The following PHF12 variants were observed in gnomAD, a reference collection of about 807,000 sequenced individuals.
The protein encoded by PHF12 is PHD factor 1.
Under a neutral mutation model 99.8 loss-of-function variants are expected in PHF12, and 6 were observed. The observed-to-expected ratio is 0.06, with a 90% CI of 0.03 to 0.12. PHF12 has a LOEUF of 0.12. Among genes scored for constraint, PHF12 ranks in the 10% least tolerant of loss-of-function variants. The pLI, the probability that PHF12 is intolerant of heterozygous loss-of-function variation, is 1.00. For synonymous variants in PHF12, 480 were observed against 514.9 expected (o/e 0.93, Z 0.92); for missense variants, 954 against 1,300.1 (o/e 0.73, Z 4.09).
Position 28,927,020 on chromosome 17 carries a change from T to G in PHF12, c.292A>C (p.Met98Leu), listed in dbSNP as rs769697257. Residue 98 changes from methionine to leucine, a missense_variant, in exon 3 of 15, where the codon ATG (methionine) becomes CTG (leucine). Transcript: ENST00000332830. Reference protein sequence around the residue: ...SEEMLPPGEWMCHRCTVRRKK... With the variant: ...SEEMLPPGEWLCHRCTVRRKK... ...CGGCGAACAGTGCACCGGTGACACA[T>G]CCACTCTCCAGGAGGCAACATTTCT... 1 of 1,614,062 alleles carries G rather than the reference T, an allele frequency of 6.2e-7. No individual in the cohort carries two copies. Among genetic ancestry groups the G allele is most frequent in the Admixed American group, 1.7e-5 (1 of 60,002 alleles).
intron 2 of PHF12, among the ~76,000 whole-genome samples, chr17:28,942,589 G>A (rs1407174580): frequency 2.0e-5 from 3 of 151,948 alleles, no homozygotes; most frequent in South Asian, 2.1e-4. Context: ...AGGCCGAGGC[G>A]GGCAGATCAC....
intron 2 of PHF12, among the ~76,000 whole-genome samples, chr17:28,933,209 G>A (rs949286745): frequency 2.6e-5 from 4 of 152,328 alleles, no homozygotes; most frequent in Admixed American, 2.0e-4. Context: ...CTGCTTAGCA[G>A]TGAAAACACT....
Position 28,910,304 on chromosome 17 carries a change from G to C in PHF12, c.2281C>G (p.Leu761Val). The change falls in exon 11 of 15, where the codon CTT becomes GTT. Residue 761 changes from leucine (L) to valine (V), a missense_variant. Leu to Val is a conservative substitution (Grantham distance 32, BLOSUM62 1). This residue lies in a region of PHF12 where 143 missense variants were observed against 191.8 expected (regional missense o/e 0.75). Transcript: ENST00000332830. ...GAAGGTTGGACCCGGGAGGGGAAAA[G>C]CTGATGTATTCTCTGCAAGGCCAGA... is the stretch of plus-strand genomic sequence containing the variant. Reference protein sequence around the residue: ...KFLALQRIHQLFPSRVQPSPG... With the variant: ...KFLALQRIHQVFPSRVQPSPG... 1 of 1,614,212 alleles carries C rather than the reference G, an allele frequency of 6.2e-7. No individual in the cohort carries two copies. The highest frequency in any genetic ancestry group is 1.1e-5 in the South Asian group (1 of 91,086).
Position 28,912,694 on chromosome 17 carries a change from G to A in PHF12, c.1877C>T (p.Pro626Leu). Residue 626 changes from proline (P) to leucine (L), a missense_variant, in exon 9 of 15, where the codon CCT (proline) becomes CTT (leucine). By Grantham distance (98) the Pro-to-Leu change is moderately conservative. This residue lies in a region of PHF12 where 392 missense variants were observed against 423.1 expected (regional missense o/e 0.93). Transcript: ENST00000332830. ...RSLVPVPSLP[P>L]SIPSSCASIE... ...GCTGGCACAAGAGCTGGGAATGGAA[G>A]GGGGCAGGCTTGGGACAGGAACCAA... is the stretch of plus-strand genomic sequence containing the variant. The A allele has an allele frequency of 6.2e-7, 1 of 1,614,264 alleles. No homozygotes were observed. Among genetic ancestry groups the A allele is most frequent in the Non-Finnish European group, 8.5e-7 (1 of 1,180,052 alleles).
rs2039868420 is a variant in PHF12, at chr17:28,906,197, T to C, written c.3001A>G (p.Asn1001Asp). 1 of 1,594,604 alleles carries C rather than the reference T, an allele frequency of 6.3e-7. No individual in the cohort carries two copies. Among genetic ancestry groups the C allele is most frequent in the Non-Finnish European group, 8.6e-7 (1 of 1,166,536 alleles). The stretch of plus-strand genomic sequence containing the variant: ...AGCCGCCAGTCCTAAGGAACAGAGT[T>C]GGAGCGCAGCACAGGGCCCTGGTGG... ...KPHQGPVLRS[N>D]SVP Residue 1001 changes from asparagine (N) to aspartate (D), a missense_variant, in exon 15 of 15, where the codon AAC (asparagine) becomes GAC (aspartate). Around this residue, in one of 8 missense-constraint regions of PHF12, gnomAD observed 136 missense variants for 172.3 expected, o/e 0.79. Coordinates refer to ENST00000332830, the MANE Select transcript of PHF12 (RefSeq NM_001033561.2). This position sits in a 1 kb window ranked among gnomAD's most constrained non-coding sequence, Gnocchi z 4.2.
At chr17:28,939,784 CAG>C (rs762935948) in intron 2 of PHF12, among the ~76,000 whole-genome samples, 4 of 152,344 alleles carry the variant, frequency 2.6e-5, no homozygotes, top group Non-Finnish European at 4.4e-5. Context: ...CTGCCACAAA[CAG>C]GGGTCCACCT....
chr17:28,920,145 A>G (rs1302930637), intron 5 of PHF12, among the ~76,000 whole-genome samples: 2 of 152,218 alleles, frequency 1.3e-5, no homozygotes, highest in African/African-American at 4.8e-5. Flanking sequence ...GCAAATGACA[A>G]CTACGATTTG....
chr17:28,914,544 C>T (rs1045592274), intron 7 of PHF12, among the ~76,000 whole-genome samples: 52 of 151,722 alleles, frequency 3.4e-4, no homozygotes, highest in African/African-American at 1.2e-3. Flanking sequence ...TGGTGGTGGG[C>T]GCCTATAGTC....
Position 28,911,141 on chromosome 17 carries a change from G to A in PHF12, c.2186C>T (p.Ser729Leu). The A allele has an allele frequency of 1.4e-5, 22 of 1,614,208 alleles. No individual in the cohort carries two copies. The highest frequency in any genetic ancestry group is 1.9e-5 in the Non-Finnish European group (22 of 1,180,028). The change falls in exon 10 of 15, where the codon TCA (serine) becomes TTA (leucine). Residue 729 changes from serine (S) to leucine (L), a missense_variant. Ser to Leu is a moderately radical substitution (Grantham distance 145). Around this residue, in one of 8 missense-constraint regions of PHF12, gnomAD observed 143 missense variants for 191.8 expected, o/e 0.75. Coordinates refer to ENST00000332830, the MANE Select transcript of PHF12 (RefSeq NM_001033561.2). Reference protein sequence around the residue: ...NSTAMVDLTNSLRAFMDVNGE... With the variant: ...NSTAMVDLTNLLRAFMDVNGE... ...ATTGACATCCATAAATGCTCGAAGT[G>A]AGTTGGTGAGGTCCACCATGGCAGT...
At chr17:28,910,939 C>CTTT in intron 10 of PHF12, 173 bp downstream of exon 10, 2 of 858,592 alleles carry the variant, frequency 2.3e-6, no homozygotes, top group Non-Finnish European at 3.5e-6. Flanking sequence ...ACAGAAGGAG[C>CTTT]TTTCTTTTTC....
chr17:28,913,950 C>T lies in PHF12; in HGVS notation c.1222G>A (p.Gly408Arg). 1 of 1,613,882 alleles carries T rather than the reference C, an allele frequency of 6.2e-7. No homozygotes were observed. Residue 408 changes from glycine (G) to arginine (R), a missense_variant, in exon 8 of 15, where the codon GGG (glycine) becomes AGG (arginine). Gly to Arg is a moderately radical substitution (Grantham distance 125, BLOSUM62 -2). Transcript: ENST00000332830. Reference protein sequence around the residue: ...AIRDGELICNGIPEESQMHLL... With the variant: ...AIRDGELICNRIPEESQMHLL... The stretch of plus-strand genomic sequence containing the variant: ...TGCATCTGTGATTCCTCAGGGATCC[C>T]ATTGCAGATCAGCTCCCCGTCCCGA...
intron 2 of PHF12, among the ~76,000 whole-genome samples, chr17:28,947,773 G>A (rs1025985320): frequency 6.6e-6 from 1 of 151,968 alleles, no homozygotes; most frequent in Non-Finnish European, 1.5e-5. Context: ...ACTCAGATAA[G>A]TCAATGGTAC....
At position 28,951,108 on chromosome 17, in the gene PHF12, C is replaced by A; in HGVS notation, c.-148G>T. 2 of 1,455,376 alleles carry A rather than the reference C, an allele frequency of 1.4e-6. No individual in the cohort carries two copies. The highest frequency in any genetic ancestry group is 2.5e-5 in the East Asian group (1 of 39,670). The allele number at this position is 1,455,376 out of a possible 1,614,324, so 90.2% of individuals were successfully genotyped here. ...CTTCCTCGCCCTGGCTCCCCCCCAC[C>A]CCCCGGCCCCCAGTCCCCGGGACGA... On this transcript the variant is annotated 5_prime_UTR_variant, in exon 1 of 15. Coordinates refer to ENST00000332830, the MANE Select transcript of PHF12 (RefSeq NM_001033561.2).
At chr17:28,922,906 C>T (rs1452624734) in intron 4 of PHF12, among the ~76,000 whole-genome samples, 1 of 151,940 alleles carries the variant, frequency 6.6e-6, no homozygotes, top group East Asian at 1.9e-4. Context: ...ATAGTGAGAC[C>T]CTGTCTTTAT....
chr17:28,906,159 C>A lies in PHF12; in HGVS notation c.*24G>T, dbSNP rs758988216. 3 of 1,567,360 alleles carry A rather than the reference C, an allele frequency of 1.9e-6. No homozygotes were observed. Among genetic ancestry groups the A allele is most frequent in the Non-Finnish European group, 1.7e-6 (2 of 1,149,934 alleles). ...CAGGAGTCTTGGGTGGGTGTACAGG[C>A]CAGTGGCGGGGTAGCCGCCAGTCCT... On this transcript the variant is annotated 3_prime_UTR_variant, in exon 15 of 15. Coordinates refer to ENST00000332830, the MANE Select transcript of PHF12 (RefSeq NM_001033561.2). The surrounding 1 kb of genome is among the most constrained non-coding windows in gnomAD (Gnocchi z 4.2).
At chr17:28,916,436 T>C (rs2040063523) in intron 7 of PHF12, among the ~76,000 whole-genome samples, 1 of 152,196 alleles carries the variant, frequency 6.6e-6, no homozygotes, top group African/African-American at 2.4e-5. Context: ...CCTCAGGTAA[T>C]CCACCTGCCT....
chr17:28,946,417 G>C (rs765758364), intron 2 of PHF12, among the ~76,000 whole-genome samples: 26 of 152,130 alleles, frequency 1.7e-4, no homozygotes, highest in Non-Finnish European at 2.6e-4. Flanking sequence ...ACAAAGCATT[G>C]TCTCCTGAGA....
intron 12 of PHF12, 58 bp downstream of exon 12, chr17:28,908,725 T>G: frequency 6.5e-7 from 1 of 1,543,008 alleles, no homozygotes; most frequent in South Asian, 1.1e-5. Flanking sequence ...TGGGTAAGGG[T>G]GTCAGTCTTT....
chr17:28,919,215 A>G lies in PHF12; in HGVS notation c.897T>C (p.Asp299=). ...TGGCAGTGAGCGGCGGCTCGAGGCA[A>G]TCCATGTGAAACAGGAGAGGGCAAT... ...CDYCPLLFHM[D]CLEPPLTAMP... The change falls in exon 6 of 15, where the codon GAT becomes GAC. Residue 299 remains aspartate, a synonymous_variant. Transcript: ENST00000332830. 6.2e-7 allele frequency: 1 copy of G among 1,614,218 alleles called. No individual in the cohort carries two copies. Among genetic ancestry groups the G allele is most frequent in the Non-Finnish European group, 8.5e-7 (1 of 1,180,034 alleles).
Sources: gnomAD v4.1 joint callset for allele counts (sites outside exome capture counted in the v4.1 genomes callset) on GRCh38, gnomAD v4.1.1 for gene constraint, gnomAD v4.1.1 regional missense constraint, Gnocchi (gnomAD v3.1) non-coding constraint, MANE v1.5 for transcripts, NCBI Gene and HGNC (gene_info 2026-07-23, HGNC 2026-07-21) for gene names.